Variants in RGL3 observed in about 807,000 individuals in gnomAD.
RGL3 encodes the protein ral guanine nucleotide dissociation stimulator like 3, also known as ral guanine nucleotide dissociation stimulator-like 3.
RGL3 carries 85 observed loss-of-function variants against 90.6 expected under a neutral mutation model. The observed-to-expected ratio is 0.94, with a 90% CI of 0.79 to 1.12. The LOEUF (loss-of-function observed/expected upper bound fraction) is 1.12. Among genes scored for constraint, RGL3 ranks in the 50% most tolerant of loss-of-function variants. RGL3 has a pLI of 0.00. For missense variants in RGL3, 1,034 were observed against 939.2 expected (o/e 1.10, Z -1.32); for synonymous variants, 408 against 385.5 (o/e 1.06, Z -0.68).
At chr19:11,395,210 C>T (rs916020059) in intron 18 of RGL3, among the ~76,000 whole-genome samples, 1 of 152,126 alleles carries the variant, frequency 6.6e-6, no homozygotes, top group Non-Finnish European at 1.5e-5. Context: ...ACCCCTCCCC[C>T]ACAACCACTC....
In RGL3 at chr19:11,397,463, G is replaced by A; in HGVS notation, c.1881C>T (p.Asn627=). 1 of 1,611,268 alleles carries A rather than the reference G, an allele frequency of 6.2e-7. No individual in the cohort carries two copies. The highest frequency in any genetic ancestry group is 1.3e-5 in the African/African-American group (1 of 75,020). ...CCCTCACCAAGATGCTTCGATACAG[G>A]TTCCCGTGGTCATTGTCGATGCTGA... ...IRVSIDNDHG[N]LYRSILLTSQ... is the part of the protein sequence containing the mutation. The change falls in exon 17 of 19, where the codon AAC becomes AAT. Residue 627 remains asparagine, a synonymous_variant. Coordinates refer to ENST00000380456, the MANE Select transcript of RGL3 (RefSeq NM_001035223.4).
At chr19:11,411,407 G>A (rs1968873194) in intron 5 of RGL3, 1 of 151,940 alleles carries the variant, frequency 6.6e-6, no homozygotes, top group Admixed American at 6.6e-5. Context: ...AAGTAGCTGG[G>A]ACTATAGGCA....
At position 11,414,500 on chromosome 19, in the gene RGL3, T is replaced by TATATATATATACACCTTC. The variant is rs1968952863; in HGVS notation, c.637+1436_637+1437insGAAGGTGTATATATATAT. Among the ~76,000 whole-genome samples the TATATATATATACACCTTC allele has an allele frequency of 5.3e-5, 4 of 75,146 alleles. 1 individual carries two copies. Among genetic ancestry groups the TATATATATATACACCTTC allele is most frequent in the Admixed American group, 3.6e-4 (2 of 5,568 alleles). The allele number at this position is 75,146 out of a possible 152,430, so 49.3% of individuals were successfully genotyped here. ...ATATATATACACCTTCATATATATA[T>TATATATATATACACCTTC]ATATATATATATATATATATATATA... On this transcript the variant is annotated intron_variant, in intron 5 of 18. Coordinates refer to ENST00000380456, the MANE Select transcript of RGL3 (RefSeq NM_001035223.4).
intron 2 of RGL3, 99 bp downstream of exon 2, chr19:11,418,572 C>T: frequency 1.0e-6 from 1 of 959,710 alleles, no homozygotes; most frequent in Admixed American, 2.5e-5. Flanking sequence ...CCCTCCCTTC[C>T]TTCCGCCCAC....
chr19:11,394,607 C>G, intron 18 of RGL3, 87 bp from the exon 19 acceptor site: 1 of 966,856 alleles, frequency 1.0e-6, no homozygotes, highest in Middle Eastern at 2.2e-4. Context: ...GCCACTCACC[C>G]GCGAACCTGA....
chr19:11,397,558 C>T lies in RGL3; in HGVS notation c.1786G>A (p.Ala596Thr), dbSNP rs774088081. 6.3e-6 allele frequency: 10 copies of T among 1,599,100 alleles called. No homozygotes were observed. The highest frequency in any genetic ancestry group is 2.3e-5 in the East Asian group (1 of 44,312). ...SLDLPSPRPF[A>T]LPLGSPRIPL... ...ATTCGAGGGCTGCCCAGAGGCAAAG[C>T]GAAGGGCCGGGGGCTGGGCAGGTCC... The change falls in exon 17 of 19, where the codon GCT becomes ACT. Residue 596 changes from alanine to threonine, a missense_variant. Physicochemically the swap from Ala to Thr is moderately conservative, Grantham distance 58. Transcript: ENST00000380456.
Position 11,397,489 on chromosome 19 carries a change from C to T in RGL3, c.1855G>A (p.Val619Ile), listed in dbSNP as rs780700264. Residue 619 changes from valine (V) to isoleucine (I), a missense_variant, in exon 17 of 19, where the codon GTC becomes ATC. Physicochemically the swap from Val to Ile is conservative, Grantham distance 29 (BLOSUM62 3). Coordinates refer to ENST00000380456, the MANE Select transcript of RGL3 (RefSeq NM_001035223.4). ...QQSSEARVIR[V>I]SIDNDHGNLY... is the part of the protein sequence containing the mutation. ...TTCCCGTGGTCATTGTCGATGCTGA[C>T]GCGGATGACACGGGCCTCCGAGCTC... 8 of 1,613,574 alleles carry T rather than the reference C, an allele frequency of 5.0e-6. No homozygotes were observed. In the East Asian group the frequency reaches 1.1e-4, roughly 22 times the overall value.
chr19:11,403,121 G>GC (rs1200712820), intron 9 of RGL3, among the ~76,000 whole-genome samples: 7 of 149,644 alleles, frequency 4.7e-5, no homozygotes, highest in South Asian at 2.3e-4. Context: ...TGCAGGCTCC[G>GC]CCCCCCGGGG....
chr19:11,406,391 G>A, intron 7 of RGL3, 28 bp downstream of exon 7: 5 of 1,518,802 alleles, frequency 3.3e-6, no homozygotes, highest in Non-Finnish European at 3.5e-6. Context: ...GCCCGCCCCC[G>A]CATCCCCTCT....
In RGL3 at chr19:11,394,365, T is replaced by C. The variant is rs1269896562; in HGVS notation, c.*37A>G. On this transcript the variant is annotated 3_prime_UTR_variant, in exon 19 of 19. Coordinates refer to ENST00000380456, the MANE Select transcript of RGL3 (RefSeq NM_001035223.4). ...CCAGGAGAAGAGTCGCAAGCTTGCC[T>C]GTGGGACTTGTGTCTTGTGGAGAGG... 6.6e-7 allele frequency: 1 copy of C among 1,512,142 alleles called. No homozygotes were observed. The highest frequency in any genetic ancestry group is 1.7e-5 in the Admixed American group (1 of 59,850). 93.7% of individuals were successfully genotyped at this position (1,512,142 alleles called of 1,614,324 possible). A position where few individuals can be genotyped will look rare whatever the true frequency, so the allele number is the denominator to read the frequency against.
chr19:11,406,907 A>G (rs1392132942), intron 5 of RGL3, 43 bp from the exon 6 acceptor site: 22 of 1,581,982 alleles, frequency 1.4e-5, no homozygotes, highest in Non-Finnish European at 1.7e-5. Flanking sequence ...TTTGAATCCA[A>G]GACTGGCTGT....
At chr19:11,406,891 C>G in intron 5 of RGL3, 27 bp from the exon 6 acceptor site, 2 of 1,594,294 alleles carry the variant, frequency 1.3e-6, no homozygotes, top group Non-Finnish European at 1.7e-6. Flanking sequence ...GTTACAAACT[C>G]TCAAGTTTGA....
At chr19:11,398,514 G>A (rs1968615908) in intron 16 of RGL3, among the ~76,000 whole-genome samples, 2 of 151,286 alleles carry the variant, frequency 1.3e-5, no homozygotes, top group Non-Finnish European at 2.9e-5. Context: ...CCCAGCTAAT[G>A]TTTTTATTTT....
In RGL3 at chr19:11,418,422, T is replaced by G. The variant is rs1412029206; in HGVS notation, c.147+249A>C. On this transcript the variant is annotated intron_variant, in intron 2 of 18. Transcript: ENST00000380456. ...CCAACTCTGCCGTCCAGTTCTGTCCTTACCAAGTTGTCCCTAGGCTCCTCT... is the reference window on the plus strand; with the variant it reads ...CCAACTCTGCCGTCCAGTTCTGTCCGTACCAAGTTGTCCCTAGGCTCCTCT... 26 of 563,292 alleles carry G rather than the reference T, an allele frequency of 4.6e-5. No homozygotes were observed. The South Asian group carries it at 5.1e-4, about 11-fold the overall frequency. The allele number at this position is 563,292 out of a possible 1,614,324, so 34.9% of individuals were successfully genotyped here. A position where few individuals can be genotyped will look rare whatever the true frequency, so the allele number is the denominator to read the frequency against.
rs756849742 is a variant in RGL3 at position 11,400,237 on chromosome 19, G to A, written c.1545C>T (p.Ile515=). The change falls in exon 14 of 19, where the codon ATC becomes ATT. Residue 515 remains isoleucine (I), a synonymous_variant. Transcript: ENST00000380456. The part of the protein sequence containing the change: ...PAASCPSSPR[I]RRRISLTKRL... ...GCTTGGTGAGGCTGATCCGCCGTCG[G>A]ATGCGTGGGGAGCTGGGGCAGGAGG... The A allele has an allele frequency of 2.5e-6, 4 of 1,599,378 alleles. No individual in the cohort carries two copies. The highest frequency in any genetic ancestry group is 3.4e-6 in the Non-Finnish European group (4 of 1,172,572).
At position 11,414,521 on chromosome 19, in the gene RGL3, A is replaced by ACC. The variant is rs1206313138; in HGVS notation, c.637+1415_637+1416insGG. Among the ~76,000 whole-genome samples the ACC allele has an allele frequency of 2.5e-4, 27 of 109,218 alleles. No individual in the cohort carries two copies. In the East Asian group the frequency reaches 5.0e-3, roughly 20 times the overall value. 71.7% of individuals were successfully genotyped at this position (109,218 alleles called of 152,430 possible). On this transcript the variant is annotated intron_variant, in intron 5 of 18. Coordinates refer to ENST00000380456, the MANE Select transcript of RGL3 (RefSeq NM_001035223.4). ...TATATATATATATATATATATATATATATATATACCTTTATATATATATAA... is the reference window on the plus strand; with the variant it reads ...TATATATATATATATATATATATATACCTATATATACCTTTATATATATATAA...
chr19:11,398,066 C>T (rs1230099291), intron 16 of RGL3, among the ~76,000 whole-genome samples: 2 of 151,822 alleles, frequency 1.3e-5, no homozygotes, highest in African/African-American at 4.8e-5. Flanking sequence ...ATACTACTAC[C>T]CCCTACACAT....
Position 11,419,257 on chromosome 19 carries a change from C to G in RGL3, c.22G>C (p.Glu8Gln), listed in dbSNP as rs757565425. 1.8e-5 allele frequency: 28 copies of G among 1,588,522 alleles called. No individual in the cohort carries two copies. The African/African-American group carries it at 3.6e-4, about 20-fold the overall frequency. The change falls in exon 1 of 19, where the codon GAG (glutamate) becomes CAG (glutamine). Residue 8 changes from glutamate to glutamine, a missense_variant. Coordinates refer to ENST00000380456, the MANE Select transcript of RGL3 (RefSeq NM_001035223.4). ...CCTTGTCCCCTTACCAGGGCCAGCT[C>G]TTTGCCTGCTGTGCGCTCCATGGCC... Reference protein sequence around the residue: MERTAGKELALAPLQDWG... With the variant: MERTAGKQLALAPLQDWG...
chr19:11,405,376 G>T lies in RGL3; in HGVS notation c.1047C>A (p.Ala349=). ...NFSSLRAILS[A]LQSNPIYRLK... ...GCCGGTAGATGGGGTTAGATTGCAG[G>T]GCGGACAGGATGGCGCGCAAGGAGG... The change falls in exon 8 of 19, where the codon GCC becomes GCA. Residue 349 remains alanine, a synonymous_variant. Transcript: ENST00000380456. 2.5e-6 allele frequency: 4 copies of T among 1,611,238 alleles called. No homozygotes were observed. The highest frequency in any genetic ancestry group is 3.4e-6 in the Non-Finnish European group (4 of 1,178,870).
Sources: gnomAD v4.1 joint callset for allele counts (sites outside exome capture counted in the v4.1 genomes callset) on GRCh38, gnomAD v4.1.1 for gene constraint, MANE v1.5 for transcripts, NCBI Gene and HGNC (gene_info 2026-07-23, HGNC 2026-07-21) for gene names.